Variants in KIRREL1 observed in about 807,000 individuals in gnomAD.
KIRREL1 encodes the protein kirre like nephrin family adhesion molecule 1.
A neutral mutation model predicts 83.3 loss-of-function variants in KIRREL1; 25 were observed. The observed-to-expected ratio is 0.30, with a 90% confidence interval of 0.22 to 0.42. The LOEUF is 0.42. KIRREL1 is among the 10% of genes least tolerant of loss of function. KIRREL1 has a pLI of 1.00. For missense variants in KIRREL1, 812 were observed against 1,032.3 expected, an observed-to-expected ratio of 0.79 and a Z score of 2.92; for synonymous variants, 388 against 410.4, an observed-to-expected ratio of 0.95 and a Z score of 0.66.
chr1:158,002,216 G>A (rs973185493), intron 1 of KIRREL1, among the ~76,000 whole-genome samples: 20 of 152,158 alleles, frequency 1.3e-4, no homozygotes, highest in African/African-American at 3.9e-4. Context: ...AGAGTTCAAC[G>A]GCAGTAACTG....
intron 1 of KIRREL1, among the ~76,000 whole-genome samples, chr1:158,031,770 A>C (rs952998468): frequency 1.3e-5 from 2 of 152,226 alleles, no homozygotes; most frequent in Non-Finnish European, 2.9e-5. Context: ...TAGATAAAGA[A>C]GATTGAAAAG....
chr1:158,036,904 G>T (rs1056819443), intron 1 of KIRREL1, among the ~76,000 whole-genome samples: 2 of 152,222 alleles, frequency 1.3e-5, no homozygotes, highest in Non-Finnish European at 2.9e-5. Context: ...CGATAGCTGG[G>T]CTGTGGGCTT....
At chr1:158,014,777 T>C (rs1327790992) in intron 1 of KIRREL1, among the ~76,000 whole-genome samples, 3 of 152,064 alleles carry the variant, frequency 2.0e-5, no homozygotes, top group Admixed American at 2.0e-4. Flanking sequence ...TGTGGACTTT[T>C]CTTTCCTTCC....
At chr1:158,034,218 C>G (rs1159531201) in intron 1 of KIRREL1, among the ~76,000 whole-genome samples, 1 of 137,526 alleles carries the variant, frequency 7.3e-6, no homozygotes, top group East Asian at 2.1e-4. Flanking sequence ...TGCAGTGAGC[C>G]GAGATAGCGC....
At chr1:158,091,795 CTT>C (rs1370970416) in intron 11 of KIRREL1, among the ~76,000 whole-genome samples, 1 of 152,214 alleles carries the variant, frequency 6.6e-6, no homozygotes, top group Non-Finnish European at 1.5e-5. Context: ...TCTCTGGGGC[CTT>C]CCCTCCAGAA....
intron 1 of KIRREL1, among the ~76,000 whole-genome samples, chr1:158,029,208 C>T (rs940935749): frequency 2.1e-4 from 5 of 23,586 alleles, no homozygotes; most frequent in Admixed American, 1.2e-3. Flanking sequence ...CAAGGGTAAG[C>T]GCATTCAGGC....
chr1:158,081,275 C>T (rs951394020), intron 3 of KIRREL1, among the ~76,000 whole-genome samples: 2 of 152,204 alleles, frequency 1.3e-5, no homozygotes, highest in East Asian at 1.9e-4. Flanking sequence ...TTCGAGCCTC[C>T]GTTCCTTATC....
intron 1 of KIRREL1, among the ~76,000 whole-genome samples, chr1:158,067,943 C>T (rs1661399647): frequency 1.3e-5 from 2 of 152,164 alleles, no homozygotes; most frequent in African/African-American, 4.8e-5. Context: ...CCATCTGGTC[C>T]CTGGAAAGAT....
At position 158,020,600 on chromosome 1, in the gene KIRREL1, C is replaced by CAAAAAAAAAAAAA. The variant is rs370156588; in HGVS notation, c.52+26882_52+26894dup. Among the ~76,000 whole-genome samples, 273 of 83,480 alleles carry CAAAAAAAAAAAAA rather than the reference C, an allele frequency of 3.3e-3. 9 individuals carry two copies. Among genetic ancestry groups the CAAAAAAAAAAAAA allele is most frequent in the Non-Finnish European group, 3.6e-3 (170 of 47,568 alleles). The allele number at this position is 83,480 out of a possible 152,430, so 54.8% of individuals were successfully genotyped here. On this transcript the variant is annotated intron_variant, in intron 1 of 14. Transcript: ENST00000359209. ...GCAGAATGACTGCCATACAGTAAATCAAAAAAAAAAAAAAAAAAAAAAGCC... is the reference window on the plus strand; with the variant it reads ...GCAGAATGACTGCCATACAGTAAATCAAAAAAAAAAAAAAAAAAAAAAAAAAAAAAAAAAAGCC...
intron 1 of KIRREL1, among the ~76,000 whole-genome samples, chr1:158,044,815 C>A (rs907780035): frequency 6.6e-6 from 1 of 152,148 alleles, no homozygotes; most frequent in Non-Finnish European, 1.5e-5. Flanking sequence ...AAAAGAAAAT[C>A]TCTACCCTCA....
Position 158,040,127 on chromosome 1 carries a change from A to G in KIRREL1, c.53-35986A>G, listed in dbSNP as rs961300640. On this transcript the variant is annotated intron_variant, in intron 1 of 14. Coordinates refer to ENST00000359209, the MANE Select transcript of KIRREL1 (RefSeq NM_018240.7). ...TATTGCTCATGTCTAGGGGCATAAC[A>G]TAATCCTCAGTTTGTTCATTCATTC... 3.9e-5 allele frequency among the ~76,000 whole-genome samples: 6 copies of G among 152,348 alleles called. No individual in the cohort carries two copies. In the South Asian group the frequency reaches 1.2e-3, roughly 32 times the overall value.
At chr1:158,080,366 G>A (rs954626704) in intron 3 of KIRREL1, among the ~76,000 whole-genome samples, 8 of 152,170 alleles carry the variant, frequency 5.3e-5, no homozygotes, top group Admixed American at 3.9e-4. Context: ...CCAGTGGCTT[G>A]GTTCAATCCA....
Position 158,096,264 on chromosome 1 carries a change from T to G in KIRREL1, c.*1144T>G. On this transcript the variant is annotated 3_prime_UTR_variant, in exon 15 of 15. Transcript: ENST00000359209. ...TGTCACACAGTGGACTCTGATAGGG[T>G]TACGGAGGGGGCCTGGCTCTCAGTC... is the stretch of plus-strand genomic sequence containing the variant. 3.4e-6 allele frequency: 1 copy of G among 292,552 alleles called. No individual in the cohort carries two copies. Among genetic ancestry groups the G allele is most frequent in the East Asian group, 8.9e-5 (1 of 11,208 alleles). 18.1% of individuals were successfully genotyped at this position (292,552 alleles called of 1,614,324 possible).
At chr1:158,010,364 C>CCA (rs1659643451) in intron 1 of KIRREL1, among the ~76,000 whole-genome samples, 1 of 125,562 alleles carries the variant, frequency 8.0e-6, no homozygotes, top group African/African-American at 2.9e-5. Context: ...CACACACACC[C>CCA]CACACAGTCC....
Position 158,063,346 on chromosome 1 carries a change from A to G in KIRREL1, c.53-12767A>G, listed in dbSNP as rs201339373. Among the ~76,000 whole-genome samples the G allele has an allele frequency of 6.0e-5, 9 of 150,298 alleles. No individual in the cohort carries two copies. The East Asian group carries it at 1.8e-3, about 30-fold the overall frequency. On this transcript the variant is annotated intron_variant, in intron 1 of 14. Coordinates refer to ENST00000359209, the MANE Select transcript of KIRREL1 (RefSeq NM_018240.7). The stretch of plus-strand genomic sequence containing the variant: ...CATCAATTAAGATATTCATTCAACA[A>G]GCATCTATTAAGGCTGTAAGCTCCT...
chr1:158,016,505 C>T (rs1004695391), intron 1 of KIRREL1, among the ~76,000 whole-genome samples: 4 of 152,008 alleles, frequency 2.6e-5, no homozygotes, highest in African/African-American at 9.7e-5. Flanking sequence ...AGCCTTGACC[C>T]GAGTAACACC....
At chr1:158,012,186 G>A (rs980242713) in intron 1 of KIRREL1, among the ~76,000 whole-genome samples, 1 of 152,128 alleles carries the variant, frequency 6.6e-6, no homozygotes, top group Non-Finnish European at 1.5e-5. Context: ...ATCTCAACTC[G>A]TCTTATTGGA....
rs576469398 is a variant in KIRREL1, at chr1:158,099,794, G to C, written c.*4674G>C. 2.0e-5 allele frequency: 3 copies of C among 152,164 alleles called. No individual in the cohort carries two copies. The South Asian group carries it at 6.2e-4, about 32-fold the overall frequency. 9.4% of individuals were successfully genotyped at this position (152,164 alleles called of 1,614,324 possible). On this transcript the variant is annotated 3_prime_UTR_variant, in exon 15 of 15. Transcript: ENST00000359209. ...TTCTGTTTGCTTTTGGAGCTCTTCA[G>C]ATGCTGTCCCCCCTGAGAATACCCT...
chr1:158,023,263 T>G (rs1216954605), intron 1 of KIRREL1, among the ~76,000 whole-genome samples: 1 of 152,088 alleles, frequency 6.6e-6, no homozygotes, highest in East Asian at 1.9e-4. Flanking sequence ...ACAAAAAAAC[T>G]CCCTCACCCT....
Sources: gnomAD v4.1 joint callset for allele counts (sites outside exome capture counted in the v4.1 genomes callset) on GRCh38, gnomAD v4.1.1 for gene constraint, MANE v1.5 for transcripts, NCBI Gene and HGNC (gene_info 2026-07-23, HGNC 2026-07-21) for gene names.